Variants in TSGA10 observed in about 807,000 individuals in gnomAD.
TSGA10 encodes the protein testis-specific gene 10 protein.
In TSGA10, 43 loss-of-function variants were observed where a neutral mutation model predicts 96.6. The observed-to-expected ratio is 0.44, with a 90% CI of 0.35 to 0.57. The LOEUF is 0.57. TSGA10 is among the 20% of genes least tolerant of loss of function. TSGA10 has a pLI of 0.01. For synonymous variants in TSGA10, 229 were observed against 269.9 expected (o/e 0.85, Z 1.48); for missense variants, 703 against 834.4 (o/e 0.84, Z 1.94).
chr2:99,030,537 G>T (rs369077126), intron 17 of TSGA10, among the ~76,000 whole-genome samples: 6 of 151,964 alleles, frequency 3.9e-5, no homozygotes, highest in African/African-American at 1.4e-4. Context: ...GTGCCACCTA[G>T]CTACTTGGGA....
chr2:99,138,613 T>C (rs1009335326), intron 1 of TSGA10, among the ~76,000 whole-genome samples: 1 of 152,174 alleles, frequency 6.6e-6, no homozygotes, highest in Admixed American at 6.5e-5. Flanking sequence ...TTAGGAAGCA[T>C]GATTGTGAGA....
Position 99,001,801 on chromosome 2 carries a change from G to A in TSGA10, c.2073-3580C>T, listed in dbSNP as rs1487749661. The stretch of plus-strand genomic sequence containing the variant: ...TAGAGAAGACCTTAAATGACCTGAC[G>A]GAGCTAAAAACCATGGCGCGAAAAC... On this transcript the variant is annotated intron_variant, in intron 20 of 20. Transcript: ENST00000393483. Among the ~76,000 whole-genome samples the A allele has an allele frequency of 3.3e-5, 5 of 152,098 alleles. No homozygotes were observed. The South Asian group carries it at 6.2e-4, about 19-fold the overall frequency.
chr2:99,130,470 T>C (rs2093025414), intron 1 of TSGA10, among the ~76,000 whole-genome samples: 1 of 152,152 alleles, frequency 6.6e-6, no homozygotes, highest in Non-Finnish European at 1.5e-5. Flanking sequence ...TTTGATGGGG[T>C]CGTCTGTTTT....
At chr2:99,016,448 G>A (rs2079521316) in intron 20 of TSGA10, among the ~76,000 whole-genome samples, 1 of 152,180 alleles carries the variant, frequency 6.6e-6, no homozygotes. Flanking sequence ...GCCACATGTA[G>A]AGGAATGAAA....
At chr2:99,103,745 G>C (rs1574385072) in intron 10 of TSGA10, among the ~76,000 whole-genome samples, 1 of 152,226 alleles carries the variant, frequency 6.6e-6, no homozygotes, top group Non-Finnish European at 1.5e-5. Context: ...CAAATGTAAA[G>C]TAAGATTACT....
At chr2:99,019,370 A>G (rs1375447521) in intron 18 of TSGA10, among the ~76,000 whole-genome samples, 2 of 152,232 alleles carry the variant, frequency 1.3e-5, no homozygotes, top group African/African-American at 4.8e-5. Flanking sequence ...TATTTCACAA[A>G]AGGTAGATTT....
At position 99,108,952 on chromosome 2, in the gene TSGA10, T is replaced by C. The variant is rs771378628; in HGVS notation, c.91A>G (p.Arg31Gly). Residue 31 changes from arginine (R) to glycine (G), a missense_variant, in exon 7 of 21, where the codon AGA becomes GGA. Arg to Gly is a moderately radical substitution (Grantham distance 125, BLOSUM62 -2). Around this residue, in one of 3 missense-constraint regions of TSGA10, gnomAD observed 585 missense variants for 656.8 expected, o/e 0.89. Coordinates refer to ENST00000393483, the MANE Select transcript of TSGA10 (RefSeq NM_025244.4). ...ATGCATTTAAGTTCTTCACGATCTCTTGTTGTTGTCTTCAAAAGTTCTACA... is the reference window on the plus strand; with the variant it reads ...ATGCATTTAAGTTCTTCACGATCTCCTGTTGTTGTCTTCAAAAGTTCTACA... ...CDVELLKTTT[R>G]DREELKCMLE... 1.0e-5 allele frequency: 16 copies of C among 1,597,140 alleles called. No homozygotes were observed. The highest frequency in any genetic ancestry group is 6.7e-5 in the East Asian group (3 of 44,600).
intron 1 of TSGA10, chr2:99,140,961 G>C (rs1485408144): frequency 4.6e-6 from 3 of 649,344 alleles, no homozygotes; most frequent in Non-Finnish European, 6.3e-6. Flanking sequence ...CGCTGCTAGC[G>C]CCCAACTCCG....
chr2:99,067,232 A>G (rs2085357600), intron 15 of TSGA10, among the ~76,000 whole-genome samples: 1 of 152,174 alleles, frequency 6.6e-6, no homozygotes, highest in African/African-American at 2.4e-5. Context: ...CGCTGCATGA[A>G]TGAGTGAATG....
At chr2:99,141,400 C>T (rs978395372) in intron 1 of TSGA10, 9 of 199,466 alleles carry the variant, frequency 4.5e-5, no homozygotes, top group Non-Finnish European at 8.5e-5. Flanking sequence ...CCGTCCCGCT[C>T]GCCCCCAGGC....
chr2:99,065,999 A>T (rs971618217), intron 15 of TSGA10, among the ~76,000 whole-genome samples: 1 of 152,232 alleles, frequency 6.6e-6, no homozygotes, highest in Non-Finnish European at 1.5e-5. Flanking sequence ...ATTCTAAAAA[A>T]TTAGTTGTAA....
chr2:99,034,799 C>A (rs1461740533), intron 17 of TSGA10, among the ~76,000 whole-genome samples: 1 of 152,108 alleles, frequency 6.6e-6, no homozygotes, highest in Non-Finnish European at 1.5e-5. Flanking sequence ...GAACCTATAT[C>A]TTTTGAATAT....
intron 2 of TSGA10, among the ~76,000 whole-genome samples, chr2:99,120,577 T>C (rs997077672): frequency 2.6e-5 from 4 of 152,216 alleles, no homozygotes; most frequent in Non-Finnish European, 5.9e-5. Flanking sequence ...GTATTATAGG[T>C]ACTCAATTAG....
intron 11 of TSGA10, among the ~76,000 whole-genome samples, chr2:99,079,853 G>A (rs1039265014): frequency 6.6e-6 from 1 of 152,148 alleles, no homozygotes; most frequent in Non-Finnish European, 1.5e-5. Context: ...AGTGCTATGG[G>A]AGATAATACC....
At chr2:99,019,065 C>T (rs1421521173) in intron 18 of TSGA10, among the ~76,000 whole-genome samples, 3 of 152,046 alleles carry the variant, frequency 2.0e-5, no homozygotes, top group African/African-American at 7.2e-5. Context: ...CAACCAAGTG[C>T]CTTATAATGA....
At chr2:99,114,400 G>A (rs2092075872) in intron 4 of TSGA10, among the ~76,000 whole-genome samples, 2 of 152,088 alleles carry the variant, frequency 1.3e-5, no homozygotes, top group East Asian at 1.9e-4. Flanking sequence ...CTTAACTGAG[G>A]TTGGTGATTT....
chr2:99,035,363 A>C lies in TSGA10; in HGVS notation c.1481T>G (p.Leu494Arg), dbSNP rs765170865. 1 of 1,613,246 alleles carries C rather than the reference A, an allele frequency of 6.2e-7. No individual in the cohort carries two copies. Among genetic ancestry groups the C allele is most frequent in the Admixed American group, 1.7e-5 (1 of 60,004 alleles). Reference sequence around the variant, plus strand: ...CACTTTTTCAAACTGAACCTTCTGAAGCTCCTCTTCCATTTTTACAACAGA... The same window carrying C: ...CACTTTTTCAAACTGAACCTTCTGACGCTCCTCTTCCATTTTTACAACAGA... ...HKSVVKMEEE[L>R]QKVQFEKVSA... Residue 494 changes from leucine to arginine, a missense_variant, in exon 17 of 21, where the codon CTT (leucine) becomes CGT (arginine). Physicochemically the swap from Leu to Arg is moderately radical, Grantham distance 102 (BLOSUM62 -2). This residue lies in a region of TSGA10 where 585 missense variants were observed against 656.8 expected (regional missense o/e 0.89). Coordinates refer to ENST00000393483, the MANE Select transcript of TSGA10 (RefSeq NM_025244.4).
intron 10 of TSGA10, among the ~76,000 whole-genome samples, chr2:99,086,127 G>A (rs1037575349): frequency 3.3e-5 from 5 of 150,534 alleles, no homozygotes; most frequent in Admixed American, 2.6e-4. Context: ...CATGACAGGG[G>A]TTTACCTACA....
chr2:99,141,053 C>T (rs753475062), intron 1 of TSGA10: 40 of 1,266,756 alleles, frequency 3.2e-5, no homozygotes, highest in South Asian at 7.7e-5. Flanking sequence ...GCAGCACTCT[C>T]CCCACCCCGC....
Sources: allele counts gnomAD v4.1 joint callset (sites outside exome capture counted in the v4.1 genomes callset), GRCh38; gene constraint gnomAD v4.1.1; regional missense constraint gnomAD v4.1.1; transcripts MANE v1.5; gene names NCBI Gene and HGNC (gene_info 2026-07-23, HGNC 2026-07-21).